The following LMOD1 variants were observed in gnomAD, a reference collection of about 807,000 sequenced individuals.
The protein encoded by LMOD1 is leiomodin 1, also known as leiomodin-1.
Under a neutral mutation model 36.5 loss-of-function variants are expected in LMOD1, and 8 were observed. The observed-to-expected ratio is 0.22, with a 90% CI of 0.13 to 0.40. LMOD1 has a LOEUF of 0.40. Among genes scored for constraint, LMOD1 ranks in the 10% least tolerant of loss-of-function variants. The pLI, the probability that LMOD1 is intolerant of heterozygous loss-of-function variation, is 1.00. For missense variants in LMOD1, 630 were observed against 751.1 expected (o/e 0.84, Z 1.88); for synonymous variants, 284 against 288.7 (o/e 0.98, Z 0.17).
rs529983956 is a variant in LMOD1, at chr1:201,900,672, C to T, written c.341G>A (p.Gly114Asp). The T allele has an allele frequency of 1.2e-6, 2 of 1,613,784 alleles. No individual in the cohort carries two copies. Among genetic ancestry groups the T allele is most frequent in the South Asian group, 1.1e-5 (1 of 91,080 alleles). Residue 114 changes from glycine to aspartate, a missense_variant, in exon 2 of 3, where the codon GGC becomes GAC. Gly to Asp is a moderately conservative substitution (Grantham distance 94). This residue lies in a region of LMOD1 where 405 missense variants were observed against 400.6 expected (regional missense o/e 1.01). Coordinates refer to ENST00000367288, the MANE Select transcript of LMOD1 (RefSeq NM_012134.3). ...CCCCAGATCTGAGTCCCGTCTGGGG[C>T]CCAGGGCTTTTTTGCTGGCATCTCT... is the stretch of plus-strand genomic sequence containing the variant. ...RGRDASKKAL[G>D]PRRDSDLGKE...
Position 201,899,752 on chromosome 1 carries a change from G to C in LMOD1, c.1261C>G (p.Arg421Gly). The C allele has an allele frequency of 6.2e-7, 1 of 1,614,046 alleles. No homozygotes were observed. The highest frequency in any genetic ancestry group is 8.5e-7 in the Non-Finnish European group (1 of 1,179,908). Residue 421 changes from arginine (R) to glycine (G), a missense_variant, in exon 2 of 3, where the codon CGC (arginine) becomes GGC (glycine). By Grantham distance (125) the Arg-to-Gly change is moderately radical. Coordinates refer to ENST00000367288, the MANE Select transcript of LMOD1 (RefSeq NM_012134.3). This position sits in a 1 kb window ranked among gnomAD's most constrained non-coding sequence, Gnocchi z 6.3. ...LLQNNTLTEL[R>G]FHNQRHICGG... ...CAGATGTGTCGCTGGTTGTGGAAGC[G>C]GAGCTCGGTCAGCGTGTTGTTCTGG... is the stretch of plus-strand genomic sequence containing the variant.
chr1:201,911,274 C>G (rs1386825681), intron 1 of LMOD1, among the ~76,000 whole-genome samples: 2 of 152,180 alleles, frequency 1.3e-5, no homozygotes, highest in African/African-American at 2.4e-5. Context: ...TCATGCCAGA[C>G]TGAGAGGAGG....
At chr1:201,929,738 C>T (rs887524911) in intron 1 of LMOD1, among the ~76,000 whole-genome samples, 9 of 152,148 alleles carry the variant, frequency 5.9e-5, no homozygotes, top group African/African-American at 1.9e-4. Flanking sequence ...CAACAGGCAT[C>T]CATTAAGCCA....
At chr1:201,911,194 G>C (rs918700612) in intron 1 of LMOD1, among the ~76,000 whole-genome samples, 1 of 152,172 alleles carries the variant, frequency 6.6e-6, no homozygotes, top group East Asian at 1.9e-4. Context: ...GATAGATAAG[G>C]TATGAATCTC....
intron 1 of LMOD1, among the ~76,000 whole-genome samples, chr1:201,944,344 T>C (rs1682167529): frequency 6.6e-6 from 1 of 152,222 alleles, no homozygotes; most frequent in African/African-American, 2.4e-5. Flanking sequence ...ACACTCTTGC[T>C]TGTGATTAGA....
chr1:201,929,126 G>A (rs775191779), intron 1 of LMOD1, among the ~76,000 whole-genome samples: 4 of 144,868 alleles, frequency 2.8e-5, no homozygotes, highest in Admixed American at 7.0e-5. Flanking sequence ...ATTTAGAGAC[G>A]GAGTCTGGCT....
At chr1:201,916,077 C>T (rs958593065) in intron 1 of LMOD1, among the ~76,000 whole-genome samples, 38 of 152,090 alleles carry the variant, frequency 2.5e-4, no homozygotes, top group Admixed American at 2.0e-4. Flanking sequence ...ACCACCACAC[C>T]CAGCGGATTT....
chr1:201,915,519 G>A (rs4309038), intron 1 of LMOD1, among the ~76,000 whole-genome samples: 2 of 151,736 alleles, frequency 1.3e-5, no homozygotes, highest in Non-Finnish European at 2.9e-5. Flanking sequence ...CTGGGCAAGT[G>A]GCTCCTCTAA....
chr1:201,913,975 T>C (rs1681556640), intron 1 of LMOD1, among the ~76,000 whole-genome samples: 1 of 152,226 alleles, frequency 6.6e-6, no homozygotes, highest in African/African-American at 2.4e-5. Context: ...TGAACATATC[T>C]GTGTGGGTCC....
intron 1 of LMOD1, among the ~76,000 whole-genome samples, chr1:201,940,147 C>T (rs1444007729): frequency 1.3e-5 from 2 of 151,534 alleles, no homozygotes; most frequent in Non-Finnish European, 2.9e-5. Flanking sequence ...GTCCATCTGT[C>T]CTGCCTCCCT....
rs929875240 is a variant in LMOD1, at chr1:201,899,349, G to A, written c.1664C>T (p.Ser555Leu). The stretch of plus-strand genomic sequence containing the variant: ...TCCCATCTTCCTCTGGGTAGCTGGT[G>A]AGAGTGAATTCTTCAGGTTCTCCAT... ...LIMENLKNSL[S>L]PATQRKMGDK... is the part of the protein sequence containing the mutation. The change falls in exon 2 of 3, where the codon TCA (serine) becomes TTA (leucine). Residue 555 changes from serine (S) to leucine (L), a missense_variant. Physicochemically the swap from Ser to Leu is moderately radical, Grantham distance 145. Coordinates refer to ENST00000367288, the MANE Select transcript of LMOD1 (RefSeq NM_012134.3). This position sits in a 1 kb window ranked among gnomAD's most constrained non-coding sequence, Gnocchi z 6.3. 1 of 1,596,638 alleles carries A rather than the reference G, an allele frequency of 6.3e-7. No homozygotes were observed. The highest frequency in any genetic ancestry group is 1.7e-5 in the Admixed American group (1 of 59,376).
chr1:201,906,037 A>G (rs536765292), intron 1 of LMOD1, among the ~76,000 whole-genome samples: 1 of 152,284 alleles, frequency 6.6e-6, no homozygotes, highest in East Asian at 1.9e-4. Flanking sequence ...ATCTGGAGGC[A>G]TCCGGAATGC....
chr1:201,909,832 G>T (rs1198879572), intron 1 of LMOD1, among the ~76,000 whole-genome samples: 1 of 152,208 alleles, frequency 6.6e-6, no homozygotes, highest in Non-Finnish European at 1.5e-5. Context: ...CCAAGATTAT[G>T]CAGCTATTAC....
chr1:201,938,544 T>C (rs1461989763), intron 1 of LMOD1, among the ~76,000 whole-genome samples: 1 of 152,242 alleles, frequency 6.6e-6, no homozygotes, highest in South Asian at 2.1e-4. Context: ...AGCTGGCCCC[T>C]GAGGAGACTA....
intron 1 of LMOD1, among the ~76,000 whole-genome samples, chr1:201,935,449 CCTT>C (rs1682000187): frequency 6.6e-6 from 1 of 151,948 alleles, no homozygotes; most frequent in Non-Finnish European, 1.5e-5. Context: ...CAAAACCACT[CCTT>C]CTCTGCTGTT....
intron 1 of LMOD1, among the ~76,000 whole-genome samples, chr1:201,940,940 T>A (rs1339231695): frequency 6.6e-6 from 1 of 151,410 alleles, no homozygotes; most frequent in Non-Finnish European, 1.5e-5. Flanking sequence ...AGAGAAGGGG[T>A]TTCTCCATGT....
rs535812638 is a variant in LMOD1 at position 201,915,411 on chromosome 1, G to A, written c.262-14660C>T. On this transcript the variant is annotated intron_variant, in intron 1 of 2. Coordinates refer to ENST00000367288, the MANE Select transcript of LMOD1 (RefSeq NM_012134.3). ...CAGACACTACTAGGAAGGTAGTACC[G>A]TCTAATGAATATCTTGGTTTGTGTG... Among the ~76,000 whole-genome samples, 9 of 152,272 alleles carry A rather than the reference G, an allele frequency of 5.9e-5. No homozygotes were observed. In the East Asian group the frequency reaches 9.6e-4, roughly 16 times the overall value.
At chr1:201,919,228 T>A (rs559673085) in intron 1 of LMOD1, among the ~76,000 whole-genome samples, 1 of 150,200 alleles carries the variant, frequency 6.7e-6, no homozygotes, top group East Asian at 2.0e-4. Flanking sequence ...TTTTTTTTTT[T>A]GGGGGGTCAG....
chr1:201,924,068 G>A (rs1457631598), intron 1 of LMOD1, among the ~76,000 whole-genome samples: 1 of 151,826 alleles, frequency 6.6e-6, no homozygotes, highest in East Asian at 1.9e-4. Context: ...TGTAATCCCA[G>A]CACTTTGGGA....
Sources: allele counts gnomAD v4.1 joint callset (sites outside exome capture counted in the v4.1 genomes callset), GRCh38; gene constraint gnomAD v4.1.1; regional missense constraint gnomAD v4.1.1; non-coding constraint Gnocchi (gnomAD v3.1); transcripts MANE v1.5; gene names NCBI Gene and HGNC (gene_info 2026-07-23, HGNC 2026-07-21).